SND1: variants seen among roughly 807,000 people sequenced by gnomAD.
The protein encoded by SND1 is staphylococcal nuclease and tudor domain containing 1.
In SND1, 38 loss-of-function variants were observed where a neutral mutation model predicts 121.7. That is an observed-to-expected ratio of 0.31 (90% CI 0.24 to 0.41). SND1 has a LOEUF of 0.41. SND1 is among the 10% of genes least tolerant of loss of function. The pLI is 1.00. For synonymous variants in SND1, 401 were observed against 447.4 expected, an observed-to-expected ratio of 0.90 and a Z score of 1.31; for missense variants, 868 against 1,184.6, an observed-to-expected ratio of 0.73 and a Z score of 3.92.
chr7:127,665,960 G>A (rs1294434922), intron 1 of SND1, among the ~76,000 whole-genome samples: 1 of 152,170 alleles, frequency 6.6e-6, no homozygotes, highest in Non-Finnish European at 1.5e-5. Flanking sequence ...CGAGTACCTG[G>A]GTCCTGAAAT....
chr7:127,685,888 CT>C (rs1795803458), intron 1 of SND1: 1 of 137,454 alleles, frequency 7.3e-6, no homozygotes, highest in Non-Finnish European at 1.6e-5. Context: ...TCAGCTTCTC[CT>C]TTTTTTTCTT....
chr7:128,087,243 C>G, intron 21 of SND1, among the ~76,000 whole-genome samples, 192 bp downstream of exon 21: 1 of 152,134 alleles, frequency 6.6e-6, no homozygotes, highest in East Asian at 1.9e-4. Flanking sequence ...TTCATAGAAG[C>G]AGGTAGGCCA....
intron 11 of SND1, among the ~76,000 whole-genome samples, chr7:127,831,875 G>A (rs944119487): frequency 6.6e-6 from 1 of 151,278 alleles, no homozygotes; most frequent in Non-Finnish European, 1.5e-5. Flanking sequence ...GGAAATGTAC[G>A]ATGTGAAAAA....
intron 12 of SND1, among the ~76,000 whole-genome samples, chr7:127,881,283 T>G (rs1799784142): frequency 6.6e-6 from 1 of 152,184 alleles, no homozygotes; most frequent in African/African-American, 2.4e-5. Flanking sequence ...CCTAGGTTAT[T>G]GGATAATCAT....
intron 11 of SND1, among the ~76,000 whole-genome samples, chr7:127,842,547 G>C (rs10251423): frequency 0.67 from 102,116 of 152,116 alleles, 35,192 homozygotes; most frequent in East Asian, 0.92. Context: ...TCCCCTACCT[G>C]CACACTGCTT....
At chr7:127,846,884 T>C (rs1314508579) in intron 12 of SND1, among the ~76,000 whole-genome samples, 1 of 152,204 alleles carries the variant, frequency 6.6e-6, no homozygotes. Context: ...ACACTTTCTG[T>C]GTTCTAATCT....
chr7:127,915,996 ATGTGTGTG>A (rs57570326), intron 14 of SND1, among the ~76,000 whole-genome samples: 28,670 of 149,014 alleles, frequency 0.19, 3,267 homozygotes, highest in Middle Eastern at 0.31. Context: ...AGAACAGCAT[ATGTGTGTG>A]TGTGTGTGTG....
intron 10 of SND1, among the ~76,000 whole-genome samples, chr7:127,764,066 A>C (rs1051772150): frequency 1.6e-4 from 24 of 147,848 alleles, no homozygotes; most frequent in African/African-American, 5.6e-4. Flanking sequence ...AAAAACAAAA[A>C]AACAAAAAAC....
intron 14 of SND1, among the ~76,000 whole-genome samples, chr7:127,918,907 A>C (rs114505046): frequency 2.6e-5 from 4 of 152,172 alleles, no homozygotes; most frequent in African/African-American, 9.7e-5. Flanking sequence ...AATTGGATGC[A>C]TTTGTTGTTC....
rs1444872643 is a variant in SND1 at position 128,034,456 on chromosome 7, G to C, written c.1780-40046G>C. On this transcript the variant is annotated intron_variant, in intron 16 of 23. Transcript: ENST00000354725. ...TGAGGAGACCCCTGGCCAGGGTCTG[G>C]ATGGCAGCGATTAAGTATGACTATC... 3.3e-5 allele frequency among the ~76,000 whole-genome samples: 5 copies of C among 152,246 alleles called. No homozygotes were observed. The East Asian group carries it at 7.7e-4, about 24-fold the overall frequency.
chr7:127,921,077 T>C (rs1800696812), intron 14 of SND1, among the ~76,000 whole-genome samples: 1 of 152,220 alleles, frequency 6.6e-6, no homozygotes, highest in African/African-American at 2.4e-5. Flanking sequence ...TGTATTTGAT[T>C]GAGAATTGGG....
chr7:127,793,170 G>T (rs143585357), intron 10 of SND1, among the ~76,000 whole-genome samples: 29 of 152,316 alleles, frequency 1.9e-4, no homozygotes, highest in Non-Finnish European at 3.4e-4. Flanking sequence ...AGGGGACATT[G>T]TGTGTGGTGA....
intron 10 of SND1, among the ~76,000 whole-genome samples, chr7:127,798,864 A>G (rs4731384): frequency 0.95 from 143,824 of 152,194 alleles, 68,393 homozygotes; most frequent in Non-Finnish European, 1. Flanking sequence ...TGGTAACATA[A>G]CAAGACCCTG....
chr7:127,777,048 T>C (rs1797633531), intron 10 of SND1, among the ~76,000 whole-genome samples: 1 of 152,274 alleles, frequency 6.6e-6, no homozygotes, highest in Non-Finnish European at 1.5e-5. Flanking sequence ...TCTTGGTTTT[T>C]AGTCACTTGG....
chr7:127,991,962 T>G (rs1236489787), intron 16 of SND1, among the ~76,000 whole-genome samples: 1 of 152,210 alleles, frequency 6.6e-6, no homozygotes, highest in Non-Finnish European at 1.5e-5. Flanking sequence ...GAGATGCTTA[T>G]GTTGGACTAT....
chr7:127,780,865 A>C (rs143748069), intron 10 of SND1, among the ~76,000 whole-genome samples: 1 of 152,206 alleles, frequency 6.6e-6, no homozygotes, highest in African/African-American at 2.4e-5. Context: ...TTAGTTGCCT[A>C]AGGTGTCCTA....
intron 1 of SND1, among the ~76,000 whole-genome samples, chr7:127,666,191 T>C (rs1290532831): frequency 6.6e-6 from 1 of 152,212 alleles, no homozygotes; most frequent in Non-Finnish European, 1.5e-5. Context: ...GCCCTGCCCT[T>C]GTATTCGGCC....
intron 9 of SND1, among the ~76,000 whole-genome samples, chr7:127,719,367 T>C (rs971648120): frequency 1.3e-5 from 2 of 152,228 alleles, no homozygotes; most frequent in Non-Finnish European, 2.9e-5. Context: ...TTTTTGGTTA[T>C]ACTGTCTAGA....
chr7:127,801,176 A>G (rs560172645), intron 10 of SND1, among the ~76,000 whole-genome samples: 2 of 152,380 alleles, frequency 1.3e-5, no homozygotes, highest in South Asian at 2.1e-4. Context: ...ACAGTGCCAC[A>G]TAGCGCCACA....
Sources: gnomAD v4.1 joint callset for allele counts (sites outside exome capture counted in the v4.1 genomes callset) on GRCh38, gnomAD v4.1.1 for gene constraint, MANE v1.5 for transcripts, NCBI Gene and HGNC (gene_info 2026-07-23, HGNC 2026-07-21) for gene names.